Variants in FAM178B observed in about 807,000 individuals in gnomAD.
The protein encoded by FAM178B is family with sequence similarity 178 member B.
A neutral mutation model predicts 91.7 loss-of-function variants in FAM178B; 82 were observed. That is an observed-to-expected ratio of 0.89 (90% confidence interval 0.75 to 1.07). The LOEUF (loss-of-function observed/expected upper bound fraction) is 1.07, where lower values mean the gene tolerates loss of function less well. FAM178B is among the 50% of genes least tolerant of loss of function. The pLI is 0.00. For synonymous variants in FAM178B, 368 were observed against 359.4 expected (o/e 1.02, Z -0.27); for missense variants, 769 against 846.7 (o/e 0.91, Z 1.14).
At chr2:96,940,930 G>A (rs2081719023) in intron 8 of FAM178B, among the ~76,000 whole-genome samples, 1 of 152,210 alleles carries the variant, frequency 6.6e-6, no homozygotes, top group Non-Finnish European at 1.5e-5. Flanking sequence ...CGGACCTGTG[G>A]TCTAGAAAGC....
At chr2:96,912,192 C>T (rs1294943829) in intron 12 of FAM178B, among the ~76,000 whole-genome samples, 1 of 152,132 alleles carries the variant, frequency 6.6e-6, no homozygotes, top group African/African-American at 2.4e-5. Context: ...CCAGCAGGGT[C>T]CTTCGGAGAC....
intron 3 of FAM178B, among the ~76,000 whole-genome samples, chr2:96,971,188 C>A (rs201928082): frequency 6.6e-6 from 1 of 151,036 alleles, no homozygotes. Flanking sequence ...CTTCTCTCCC[C>A]CTCCCTATCT....
intron 14 of FAM178B, among the ~76,000 whole-genome samples, chr2:96,881,570 C>A (rs1392735679): frequency 6.6e-6 from 1 of 152,026 alleles, no homozygotes; most frequent in Non-Finnish European, 1.5e-5. Flanking sequence ...GGCCCGGCTG[C>A]AGAACTTCCC....
At chr2:96,905,814 GTGTGTATA>G (rs1196076090) in intron 12 of FAM178B, among the ~76,000 whole-genome samples, 6 of 34,486 alleles carry the variant, frequency 1.7e-4, no homozygotes, top group African/African-American at 5.6e-4. Context: ...ATACATATAT[GTGTGTATA>G]TATATATATA....
chr2:96,878,116 A>G, intron 15 of FAM178B, 74 bp from the exon 16 acceptor site: 2 of 1,518,826 alleles, frequency 1.3e-6, no homozygotes, highest in Non-Finnish European at 1.8e-6. Flanking sequence ...CAGGAGGAGA[A>G]CAAATTCAGA....
intron 1 of FAM178B, among the ~76,000 whole-genome samples, chr2:96,983,856 G>C (rs1288407289): frequency 6.6e-6 from 1 of 152,212 alleles, no homozygotes; most frequent in African/African-American, 2.4e-5. Context: ...CAGCAGTTCA[G>C]TAATCTTTAT....
At chr2:96,967,989 AG>A (rs1372661286) in intron 4 of FAM178B, among the ~76,000 whole-genome samples, 1 of 135,614 alleles carries the variant, frequency 7.4e-6, no homozygotes, top group Non-Finnish European at 1.5e-5. Context: ...GGCTTTTTAC[AG>A]ATGCAACCAA....
chr2:96,970,161 C>G (rs1027886148), intron 4 of FAM178B, among the ~76,000 whole-genome samples: 1 of 152,144 alleles, frequency 6.6e-6, no homozygotes, highest in Non-Finnish European at 1.5e-5. Context: ...TCTCATCAGA[C>G]GTGACTGTTG....
chr2:96,972,237 G>T lies in FAM178B; in HGVS notation c.228C>A (p.Arg76=). 1 of 1,526,776 alleles carries T rather than the reference G, an allele frequency of 6.5e-7. No individual in the cohort carries two copies. The allele number at this position is 1,526,776 out of a possible 1,614,324, so 94.6% of individuals were successfully genotyped here. A position where few individuals can be genotyped will look rare whatever the true frequency, so the allele number is the denominator to read the frequency against. ...GGCTGCAGGGCCGCCGGGCAGGGCA[G>T]CGGGGCCCCTGGTCCAGGGGATGGT... is the stretch of plus-strand genomic sequence containing the variant. ...LSDHPLDQGP[R]CPARRPCSPA... is the part of the protein sequence containing the mutation. Residue 76 remains arginine, a synonymous_variant, in exon 3 of 17, where the codon CGC becomes CGA. Coordinates refer to ENST00000490605, the MANE Select transcript of FAM178B (RefSeq NM_001122646.3).
rs573229887 is a variant in FAM178B, at chr2:96,954,785, C to T, written c.888-3301G>A. ...ATAAGAGAGGCCAGATGCAGTGGCT[C>T]ATGTCTATAATCTCAGAACTTTGGA... On this transcript the variant is annotated intron_variant, in intron 6 of 16. Coordinates refer to ENST00000490605, the MANE Select transcript of FAM178B (RefSeq NM_001122646.3). 2.0e-5 allele frequency among the ~76,000 whole-genome samples: 3 copies of T among 152,282 alleles called. No individual in the cohort carries two copies. In the East Asian group the frequency reaches 5.8e-4, roughly 29 times the overall value.
intron 14 of FAM178B, 38 bp downstream of exon 14, chr2:96,893,888 C>A (rs918222275): frequency 1.3e-6 from 2 of 1,597,074 alleles, no homozygotes; most frequent in Non-Finnish European, 1.7e-6. Flanking sequence ...GGTGGTGGCA[C>A]CGTGGTGGAG....
intron 5 of FAM178B, among the ~76,000 whole-genome samples, chr2:96,963,950 T>C (rs1424441019): frequency 6.6e-6 from 1 of 152,178 alleles, no homozygotes; most frequent in African/African-American, 2.4e-5. Context: ...GGCAGGCAGA[T>C]TGCTTGAGCC....
chr2:96,885,808 C>T (rs575366957), intron 14 of FAM178B, among the ~76,000 whole-genome samples: 1 of 152,144 alleles, frequency 6.6e-6, no homozygotes. Flanking sequence ...ACCAGAAAAC[C>T]TAGCTCTGCA....
chr2:96,880,108 C>T (rs1353993811), intron 14 of FAM178B, among the ~76,000 whole-genome samples: 1 of 152,258 alleles, frequency 6.6e-6, no homozygotes, highest in South Asian at 2.1e-4. Context: ...CAGGAAATAA[C>T]ATACCTCTGC....
intron 8 of FAM178B, among the ~76,000 whole-genome samples, chr2:96,938,443 G>GC (rs1000802868): frequency 6.6e-6 from 1 of 152,172 alleles, no homozygotes; most frequent in African/African-American, 2.4e-5. Context: ...ATGCATGCCT[G>GC]CCCCCACAGG....
At chr2:96,985,772 C>T (rs1204466070) in intron 1 of FAM178B, among the ~76,000 whole-genome samples, 3 of 152,184 alleles carry the variant, frequency 2.0e-5, no homozygotes, top group African/African-American at 4.8e-5. Context: ...GCAGCGGCTC[C>T]TGTCAGCAAG....
chr2:96,911,270 G>A (rs1474977721), intron 12 of FAM178B, among the ~76,000 whole-genome samples: 2 of 152,200 alleles, frequency 1.3e-5, no homozygotes, highest in African/African-American at 4.8e-5. Flanking sequence ...CTGCAACAAG[G>A]GCTGCTCGAA....
intron 13 of FAM178B, among the ~76,000 whole-genome samples, chr2:96,894,661 ACCC>A (rs1192336086): frequency 7.8e-5 from 2 of 25,532 alleles, no homozygotes; most frequent in African/African-American, 3.5e-4. Flanking sequence ...CCCCACCCAC[ACCC>A]CCCTACAGAC....
intron 1 of FAM178B, among the ~76,000 whole-genome samples, chr2:96,980,738 A>G: frequency 6.6e-6 from 1 of 152,092 alleles, no homozygotes; most frequent in Non-Finnish European, 1.5e-5. Flanking sequence ...CCTGGTTCTA[A>G]TGAGGTTGAG....
Sources: gnomAD v4.1 joint callset for allele counts (sites outside exome capture counted in the v4.1 genomes callset) on GRCh38, gnomAD v4.1.1 for gene constraint, MANE v1.5 for transcripts, NCBI Gene and HGNC (gene_info 2026-07-23, HGNC 2026-07-21) for gene names.